Variants in RAB30 observed in about 807,000 individuals in gnomAD.
RAB30 encodes the protein RAB30, member RAS oncogene family, also known as ras-related protein Rab-30.
Under a neutral mutation model 25.1 loss-of-function variants are expected in RAB30, and 9 were observed. That is an observed-to-expected ratio of 0.36 (90% CI 0.22 to 0.63). RAB30 has a LOEUF of 0.63. Among genes scored for constraint, RAB30 ranks in the 20% least tolerant of loss-of-function variants. The pLI is 0.69. For missense variants in RAB30, 140 were observed against 243.5 expected (o/e 0.58, Z 2.83); for synonymous variants, 77 against 86.4 (o/e 0.89, Z 0.60).
intron 1 of RAB30, among the ~76,000 whole-genome samples, chr11:83,070,303 C>CA (rs1423147383): frequency 6.6e-6 from 1 of 152,198 alleles, no homozygotes; most frequent in Non-Finnish European, 1.5e-5. Context: ...AAAGCCCATA[C>CA]AATGGACTGT....
chr11:83,028,153 A>G (rs1177563218), intron 1 of RAB30, among the ~76,000 whole-genome samples: 2 of 152,242 alleles, frequency 1.3e-5, no homozygotes, highest in African/African-American at 4.8e-5. Flanking sequence ...TACATCCATG[A>G]AACAAAAATA....
At chr11:83,060,668 TC>T (rs1369503354) in intron 1 of RAB30, among the ~76,000 whole-genome samples, 1 of 152,186 alleles carries the variant, frequency 6.6e-6, no homozygotes, top group Non-Finnish European at 1.5e-5. Flanking sequence ...TTCAAAAATT[TC>T]AATATCATAA....
At chr11:82,991,474 T>C (rs982314397) in intron 3 of RAB30, among the ~76,000 whole-genome samples, 4 of 122,550 alleles carry the variant, frequency 3.3e-5, no homozygotes, top group African/African-American at 1.3e-4. Flanking sequence ...ACCACTGCAC[T>C]CCAGCCTAGG....
At chr11:83,058,815 A>T (rs973955267) in intron 1 of RAB30, among the ~76,000 whole-genome samples, 1 of 152,226 alleles carries the variant, frequency 6.6e-6, no homozygotes, top group African/African-American at 2.4e-5. Context: ...AGCAGTTATG[A>T]CTTGCCCAAG....
rs774971909 is a variant in RAB30, at chr11:82,982,427, G to A, written c.362-12C>T. 26 of 1,608,028 alleles carry A rather than the reference G, an allele frequency of 1.6e-5. No individual in the cohort carries two copies. The highest frequency in any genetic ancestry group is 2.0e-5 in the Non-Finnish European group (24 of 1,177,230). Reference sequence around the variant, plus strand: ...GTCAATCTTGTTGCCTATAACAGTAGTAAAATCAAATAAAGAATCAGCATT... The same window carrying A: ...GTCAATCTTGTTGCCTATAACAGTAATAAAATCAAATAAAGAATCAGCATT... On this transcript the variant is annotated splice_polypyrimidine_tract_variant and intron_variant, in intron 4 of 4. Coordinates refer to ENST00000527633, the MANE Select transcript of RAB30 (RefSeq NM_001286060.2).
At position 82,982,029 on chromosome 11, in the gene RAB30, C is replaced by T. The variant is rs1400463106; in HGVS notation, c.*136G>A. The stretch of plus-strand genomic sequence containing the variant: ...CCTGTGGTCGAGGCCCTTGGCCTGC[C>T]ATGCTTTGTAAGCTCAGGAGCCCAC... On this transcript the variant is annotated 3_prime_UTR_variant, in exon 5 of 5. Coordinates refer to ENST00000527633, the MANE Select transcript of RAB30 (RefSeq NM_001286060.2). The T allele has an allele frequency of 1.6e-6, 2 of 1,241,642 alleles. No individual in the cohort carries two copies. The highest frequency in any genetic ancestry group is 3.0e-5 in the African/African-American group (2 of 66,270). The allele number at this position is 1,241,642 out of a possible 1,614,324, so 76.9% of individuals were successfully genotyped here. A position where few individuals can be genotyped will look rare whatever the true frequency, so the allele number is the denominator to read the frequency against.
intron 1 of RAB30, among the ~76,000 whole-genome samples, chr11:83,004,178 C>T (rs1857141224): frequency 1.3e-5 from 2 of 152,138 alleles, no homozygotes; most frequent in African/African-American, 2.4e-5. Flanking sequence ...GTAGTAAACA[C>T]TATTATATTT....
At position 82,982,518 on chromosome 11, in the gene RAB30, G is replaced by A; in HGVS notation, c.362-103C>T. ...TATCTGAAGTCAAGCCAGACAGATG[G>A]GCGAGTAAAACAAAACAAATGTGAC... is the stretch of plus-strand genomic sequence containing the variant. On this transcript the variant is annotated intron_variant, in intron 4 of 4. Coordinates refer to ENST00000527633, the MANE Select transcript of RAB30 (RefSeq NM_001286060.2). 4.8e-6 allele frequency: 6 copies of A among 1,251,158 alleles called. No homozygotes were observed. In the South Asian group the frequency reaches 8.5e-5, roughly 18 times the overall value. The allele number at this position is 1,251,158 out of a possible 1,614,324, so 77.5% of individuals were successfully genotyped here.
At chr11:83,022,991 A>G (rs1275527982) in intron 1 of RAB30, among the ~76,000 whole-genome samples, 2 of 144,402 alleles carry the variant, frequency 1.4e-5, no homozygotes, top group African/African-American at 2.7e-5. Flanking sequence ...ATATATATGT[A>G]TATATACACA....
intron 1 of RAB30, among the ~76,000 whole-genome samples, chr11:83,028,843 C>T (rs1857785016): frequency 6.6e-6 from 1 of 152,172 alleles, no homozygotes; most frequent in Non-Finnish European, 1.5e-5. Flanking sequence ...TTGGGAGCAG[C>T]CTGACCAACA....
At chr11:83,067,189 G>A (rs1432237639) in intron 1 of RAB30, among the ~76,000 whole-genome samples, 1 of 152,178 alleles carries the variant, frequency 6.6e-6, no homozygotes, top group African/African-American at 2.4e-5. Flanking sequence ...TCACCTGAGT[G>A]AATTCCTCCG....
intron 1 of RAB30, among the ~76,000 whole-genome samples, chr11:83,051,592 G>T (rs776220410): frequency 3.3e-5 from 5 of 151,928 alleles, no homozygotes; most frequent in Admixed American, 1.3e-4. Context: ...GTCAGAACAG[G>T]GTAATAATTC....
chr11:83,029,692 G>A (rs942817981), intron 1 of RAB30, among the ~76,000 whole-genome samples: 1 of 151,992 alleles, frequency 6.6e-6, no homozygotes, highest in East Asian at 1.9e-4. Context: ...AAAAGTAACA[G>A]TAATTCCTTG....
chr11:82,993,711 A>G (rs1856902709), intron 3 of RAB30, among the ~76,000 whole-genome samples: 1 of 152,248 alleles, frequency 6.6e-6, no homozygotes. Context: ...GCTGCTGTTT[A>G]GAGGAGGTAG....
At chr11:83,018,910 T>C (rs1345671660) in intron 1 of RAB30, among the ~76,000 whole-genome samples, 2 of 152,374 alleles carry the variant, frequency 1.3e-5, no homozygotes, top group African/African-American at 4.8e-5. Flanking sequence ...TGGCCAATTA[T>C]CCCAGCACCA....
In RAB30 at chr11:82,979,936, T is replaced by A. The variant is rs989419869; in HGVS notation, c.*2229A>T. The A allele has an allele frequency of 6.6e-6, 1 of 152,286 alleles. No homozygotes were observed. Among genetic ancestry groups the A allele is most frequent in the Admixed American group, 6.5e-5 (1 of 15,300 alleles). 9.4% of individuals were successfully genotyped at this position (152,286 alleles called of 1,614,324 possible). The stretch of plus-strand genomic sequence containing the variant: ...ACAAGTGTGACCCTAAAAGGTATTA[T>A]TTTGCAACTAAATCAGTCCAATCTA... On this transcript the variant is annotated 3_prime_UTR_variant, in exon 5 of 5. Coordinates refer to ENST00000527633, the MANE Select transcript of RAB30 (RefSeq NM_001286060.2).
At chr11:82,989,969 C>T (rs984493177) in intron 3 of RAB30, among the ~76,000 whole-genome samples, 3 of 152,204 alleles carry the variant, frequency 2.0e-5, no homozygotes, top group East Asian at 3.8e-4. Context: ...ATAAAATCAA[C>T]GCTGATTTCA....
At chr11:83,014,668 AAGAAAGAAAGAAAGAAAGAAAGAAAG>A (rs1442642860) in intron 1 of RAB30, among the ~76,000 whole-genome samples, 7 of 150,006 alleles carry the variant, frequency 4.7e-5, no homozygotes, top group African/African-American at 1.7e-4. Context: ...GAAAGAAAGA[AAGAAAGAAAGAAAGAAAGAAAGAAAG>A]AGAAAGGAAG....
chr11:83,012,836 G>A (rs181295870), intron 1 of RAB30, among the ~76,000 whole-genome samples: 1 of 152,218 alleles, frequency 6.6e-6, no homozygotes, highest in Admixed American at 6.5e-5. Context: ...CTCATGACCT[G>A]TTACCACTAT....
Sources: allele counts gnomAD v4.1 joint callset (sites outside exome capture counted in the v4.1 genomes callset), GRCh38; gene constraint gnomAD v4.1.1; transcripts MANE v1.5; gene names NCBI Gene and HGNC (gene_info 2026-07-23, HGNC 2026-07-21).